MED13: variants seen among roughly 807,000 people sequenced by gnomAD.
MED13 encodes mediator complex subunit 13.
In MED13, 23 loss-of-function variants were observed where a neutral mutation model predicts 225.2. The ratio of observed to expected loss-of-function variants is 0.10; its 90% CI spans 0.07 to 0.14. The LOEUF is 0.14. Ranked by LOEUF, MED13 falls within the 10% of genes least tolerant of loss-of-function variation. The pLI, the probability that MED13 is intolerant of heterozygous loss-of-function variation, is 1.00. For missense variants in MED13, 2,197 were observed against 2,594.5 expected, an observed-to-expected ratio of 0.85 and a Z score of 3.33; for synonymous variants, 942 against 889.2, an observed-to-expected ratio of 1.06 and a Z score of -1.06.
intron 27 of MED13, among the ~76,000 whole-genome samples, chr17:61,952,258 A>G (rs747134481): frequency 2.6e-5 from 4 of 152,206 alleles, no homozygotes; most frequent in Admixed American, 6.5e-5. Context: ...TACTTCAAAT[A>G]TAAGGACAAG....
intron 3 of MED13, among the ~76,000 whole-genome samples, chr17:62,051,325 A>G (rs1223784833): frequency 2.0e-5 from 3 of 152,208 alleles, no homozygotes; most frequent in Non-Finnish European, 4.4e-5. Flanking sequence ...CGGGAGGACC[A>G]TGAAGATGTA....
intron 1 of MED13, 23 bp downstream of exon 1, chr17:62,065,117 C>T: frequency 6.5e-7 from 1 of 1,529,344 alleles, no homozygotes; most frequent in Admixed American, 2.0e-5. Context: ...CCTCCCTCGG[C>T]GCCCGCCGGC....
chr17:62,062,578 AACACACACACACACACACACACCACACAC>A (rs1203014563), intron 2 of MED13, among the ~76,000 whole-genome samples: 6 of 134,556 alleles, frequency 4.5e-5, no homozygotes, highest in African/African-American at 5.5e-5. Flanking sequence ...CATGCCTTAA[AACACACACACACACACACACACCACACAC>A]ACACACACAC....
At chr17:62,009,319 A>G (rs909754961) in intron 9 of MED13, among the ~76,000 whole-genome samples, 1 of 152,196 alleles carries the variant, frequency 6.6e-6, no homozygotes, top group African/African-American at 2.4e-5. Flanking sequence ...CAAACCACCA[A>G]TGGAGGAAGA....
intron 22 of MED13, 45 bp from the exon 23 acceptor site, chr17:61,961,135 G>A (rs774485734): frequency 1.2e-5 from 17 of 1,382,084 alleles, no homozygotes; most frequent in Non-Finnish European, 1.7e-5. Context: ...TACAATCTTA[G>A]AGAAATATTG....
At chr17:61,992,005 G>A (rs1191863495) in intron 11 of MED13, among the ~76,000 whole-genome samples, 2 of 152,132 alleles carry the variant, frequency 1.3e-5, no homozygotes, top group South Asian at 2.1e-4. Context: ...GATAGTCTTC[G>A]AATTGTAACC....
chr17:61,975,674 G>T (rs1014527806), intron 16 of MED13, among the ~76,000 whole-genome samples: 1 of 152,000 alleles, frequency 6.6e-6, no homozygotes. Context: ...AGCCAAGATC[G>T]TACCCCACTG....
intron 8 of MED13, among the ~76,000 whole-genome samples, chr17:62,020,573 G>T (rs912090603): frequency 6.6e-6 from 1 of 151,678 alleles, no homozygotes; most frequent in Admixed American, 6.6e-5. Flanking sequence ...TAGAGATGGG[G>T]TTTCACCATG....
At chr17:62,040,728 T>G (rs1221163323) in intron 3 of MED13, among the ~76,000 whole-genome samples, 1 of 152,056 alleles carries the variant, frequency 6.6e-6, no homozygotes, top group Non-Finnish European at 1.5e-5. Context: ...GGCAAAAGAC[T>G]TCAAAAGTCG....
chr17:62,029,414 G>T, intron 8 of MED13, 127 bp downstream of exon 8: 1 of 630,564 alleles, frequency 1.6e-6, no homozygotes, highest in Non-Finnish European at 2.7e-6. Flanking sequence ...TATTTTTCCT[G>T]AATTTTCTTT....
Position 61,991,385 on chromosome 17 carries a change from A to G in MED13, c.2263+1155T>C, listed in dbSNP as rs1466643555. On this transcript the variant is annotated intron_variant, in intron 11 of 29. Coordinates refer to ENST00000397786, the MANE Select transcript of MED13 (RefSeq NM_005121.3). ...CCACCTGCCTCGGCCTTACAGGTGT[A>G]AGCCATTGTGCCCAGCCCAACTTGG... Among the ~76,000 whole-genome samples, 4 of 150,934 alleles carry G rather than the reference A, an allele frequency of 2.7e-5. No individual in the cohort carries two copies. In the East Asian group the frequency reaches 7.9e-4, roughly 30 times the overall value.
In MED13 at chr17:62,033,971, T is replaced by C. The variant is rs2080780119; in HGVS notation, c.630A>G (p.Pro210=). ...CTGTGAGAGTGCCATTTAGTCCAAATGGGCATAAGATAACTAGAAACCCAA... is the reference window on the plus strand; with the variant it reads ...CTGTGAGAGTGCCATTTAGTCCAAACGGGCATAAGATAACTAGAAACCCAA... ...SNSPFQVILC[P]FGLNGTLTGQ... is the part of the protein sequence containing the mutation. The change falls in exon 5 of 30, where the codon CCA becomes CCG. Residue 210 remains proline (P), a synonymous_variant. Coordinates refer to ENST00000397786, the MANE Select transcript of MED13 (RefSeq NM_005121.3). 3.1e-6 allele frequency: 5 copies of C among 1,613,840 alleles called. No homozygotes were observed. Among genetic ancestry groups the C allele is most frequent in the Non-Finnish European group, 3.4e-6 (4 of 1,179,976 alleles).
intron 26 of MED13, 89 bp downstream of exon 26, chr17:61,955,293 C>T (rs1418191681): frequency 1.4e-5 from 16 of 1,127,776 alleles, no homozygotes; most frequent in Non-Finnish European, 1.8e-5. Flanking sequence ...TTTGGTAAAA[C>T]AAGGTAACAT....
intron 12 of MED13, among the ~76,000 whole-genome samples, chr17:61,986,600 T>C (rs1477657168): frequency 6.6e-6 from 1 of 152,226 alleles, no homozygotes; most frequent in Non-Finnish European, 1.5e-5. Context: ...TGGTATTCCT[T>C]AATAAATTGA....
rs115425874 is a variant in MED13 at position 61,997,153 on chromosome 17, A to G, written c.1968-1788T>C. Among the ~76,000 whole-genome samples, 343 of 152,340 alleles carry G rather than the reference A, an allele frequency of 2.3e-3. 1 individual carries two copies. The highest frequency in any genetic ancestry group is 7.7e-3 in the African/African-American group (322 of 41,580). ...CAGGCAAATCTTATCTCATTCATCTATTCACTAATGCCTAACACTAGTAGC... is the reference window on the plus strand; with the variant it reads ...CAGGCAAATCTTATCTCATTCATCTGTTCACTAATGCCTAACACTAGTAGC... On this transcript the variant is annotated intron_variant, in intron 9 of 29. Transcript: ENST00000397786.
rs773685207 is a variant in MED13 at position 61,966,645 on chromosome 17, G to C, written c.4198C>G (p.Arg1400Gly). 6.3e-7 allele frequency: 1 copy of C among 1,595,720 alleles called. No individual in the cohort carries two copies. The highest frequency in any genetic ancestry group is 1.1e-5 in the South Asian group (1 of 87,872). ...RDLTAIYESC[R>G]LGQHRPVSRL... Reference sequence around the variant, plus strand: ...GAAACAGGTCTATGTTGACCTAATCGACAGGACTACAAATATACATACAGA... The same window carrying C: ...GAAACAGGTCTATGTTGACCTAATCCACAGGACTACAAATATACATACAGA... Residue 1400 changes from arginine (R) to glycine (G), a missense_variant, in exon 19 of 30, where the codon CGA becomes GGA. Physicochemically the swap from Arg to Gly is moderately radical, Grantham distance 125. This residue lies in a region of MED13 where 457 missense variants were observed against 442.2 expected (regional missense o/e 1.03). Coordinates refer to ENST00000397786, the MANE Select transcript of MED13 (RefSeq NM_005121.3).
chr17:62,010,514 T>C, intron 9 of MED13, 36 bp downstream of exon 9: 4 of 1,339,756 alleles, frequency 3.0e-6, no homozygotes, highest in Non-Finnish European at 3.9e-6. Context: ...CTTCCACCCT[T>C]AAATTATAAT....
chr17:61,978,284 CTT>C (rs372690377), intron 16 of MED13, among the ~76,000 whole-genome samples: 40 of 151,962 alleles, frequency 2.6e-4, no homozygotes, highest in Admixed American at 2.0e-3. Context: ...GAGTTTCACT[CTT>C]GTCGCCTGGG....
intron 8 of MED13, among the ~76,000 whole-genome samples, chr17:62,022,153 G>C (rs907551503): frequency 1.5e-5 from 2 of 137,028 alleles, no homozygotes; most frequent in African/African-American, 5.6e-5. Context: ...GGGCAACAGA[G>C]CAAGACTGTC....
Sources: allele counts gnomAD v4.1 joint callset (sites outside exome capture counted in the v4.1 genomes callset), GRCh38; gene constraint gnomAD v4.1.1; regional missense constraint gnomAD v4.1.1; transcripts MANE v1.5; gene names NCBI Gene and HGNC (gene_info 2026-07-23, HGNC 2026-07-21).